MBNL2: variants seen among roughly 807,000 people sequenced by gnomAD.
MBNL2 encodes the protein muscleblind-like protein 2.
MBNL2 carries 17 observed loss-of-function variants against 41.9 expected under a neutral mutation model. That is an observed-to-expected ratio of 0.41 (90% confidence interval 0.28 to 0.61). The LOEUF is 0.61. Ranked by LOEUF, MBNL2 falls within the 20% of genes least tolerant of loss-of-function variation. The pLI, the probability that MBNL2 is intolerant of heterozygous loss-of-function variation, is 0.35. For synonymous variants in MBNL2, 195 were observed against 182.9 expected (o/e 1.07, Z -0.53); for missense variants, 336 against 505.6 (o/e 0.66, Z 3.22).
chr13:97,230,946 CAGAG>C (rs1249431973), intron 1 of MBNL2, among the ~76,000 whole-genome samples: 1 of 152,162 alleles, frequency 6.6e-6, no homozygotes. Flanking sequence ...CACTAATAAG[CAGAG>C]AGAGTATTTA....
the MBNL2 span, among the ~76,000 whole-genome samples, chr13:97,191,272 C>T: frequency 1.3e-5 from 2 of 151,270 alleles, no homozygotes; most frequent in South Asian, 2.1e-4. Context: ...CACAGAAGTG[C>T]GAACCCTTTG....
the MBNL2 span, among the ~76,000 whole-genome samples, chr13:97,163,207 C>T: frequency 2.0e-5 from 3 of 152,228 alleles, no homozygotes; most frequent in South Asian, 6.2e-4. Context: ...TGACTCCACT[C>T]TTCCTTTCTT....
At chr13:97,234,045 A>G (rs775711951) in intron 1 of MBNL2, among the ~76,000 whole-genome samples, 27 of 152,190 alleles carry the variant, frequency 1.8e-4, no homozygotes, top group Admixed American at 3.3e-4. Context: ...TATTAGCACA[A>G]TTCCTGTCTA....
intron 5 of MBNL2, among the ~76,000 whole-genome samples, chr13:97,348,783 C>A (rs1449334015): frequency 6.6e-6 from 1 of 152,164 alleles, no homozygotes; most frequent in Non-Finnish European, 1.5e-5. Context: ...GCAGCCATCA[C>A]CTCAGCCATC....
the MBNL2 span, among the ~76,000 whole-genome samples, chr13:97,210,978 A>G: frequency 2.6e-5 from 4 of 151,894 alleles, no homozygotes; most frequent in Admixed American, 6.6e-5. Context: ...GGGGTGGTGA[A>G]AGGGTAGCAG....
intron 1 of MBNL2, among the ~76,000 whole-genome samples, chr13:97,253,338 T>A (rs1174006851): frequency 6.6e-6 from 1 of 152,224 alleles, no homozygotes; most frequent in Non-Finnish European, 1.5e-5. Flanking sequence ...CCCTACAGAA[T>A]CTCATCCTAG....
intron 2 of MBNL2, among the ~76,000 whole-genome samples, chr13:97,315,414 G>C (rs1224477474): frequency 6.6e-6 from 1 of 152,176 alleles, no homozygotes; most frequent in Non-Finnish European, 1.5e-5. Flanking sequence ...CCAATGGCAG[G>C]AAAGAGCTTC....
chr13:97,318,241 G>T (rs79174928), intron 2 of MBNL2, among the ~76,000 whole-genome samples: 5,631 of 152,298 alleles, frequency 0.037, 324 homozygotes, highest in African/African-American at 0.12. Context: ...CACATTGTGA[G>T]AATTCGGCAA....
intron 1 of MBNL2, among the ~76,000 whole-genome samples, chr13:97,252,075 C>T (rs943309045): frequency 2.0e-4 from 30 of 151,606 alleles, no homozygotes; most frequent in Non-Finnish European, 3.7e-4. Context: ...TGGTCTCGAT[C>T]TCCTGACCTC....
intron 2 of MBNL2, among the ~76,000 whole-genome samples, chr13:97,296,100 A>T (rs2056965779): frequency 6.6e-6 from 1 of 152,150 alleles, no homozygotes; most frequent in African/African-American, 2.4e-5. Flanking sequence ...TAAACCATGG[A>T]ACTCTGTCAG....
intron 2 of MBNL2, among the ~76,000 whole-genome samples, chr13:97,307,179 T>C (rs1027692129): frequency 6.6e-6 from 1 of 152,092 alleles, no homozygotes; most frequent in Non-Finnish European, 1.5e-5. Context: ...TGTTGATTGA[T>C]TGGTTGATGA....
chr13:97,204,427 T>C, the MBNL2 span, among the ~76,000 whole-genome samples: 1 of 152,176 alleles, frequency 6.6e-6, no homozygotes, highest in South Asian at 2.1e-4. Context: ...ATAACACACA[T>C]TCAAAAGAAG....
At chr13:97,187,767 A>C in the MBNL2 span, among the ~76,000 whole-genome samples, 9 of 151,778 alleles carry the variant, frequency 5.9e-5, no homozygotes, top group Non-Finnish European at 1.2e-4. Flanking sequence ...ATTAGCCGGG[A>C]GAGGTGGCGG....
intron 1 of MBNL2, among the ~76,000 whole-genome samples, chr13:97,267,810 A>T (rs2050112442): frequency 6.6e-6 from 1 of 152,166 alleles, no homozygotes; most frequent in Non-Finnish European, 1.5e-5. Context: ...CCCGGCCAGC[A>T]CTCTTACAAT....
chr13:97,352,241 A>G (rs2062564994), intron 5 of MBNL2, among the ~76,000 whole-genome samples: 2 of 152,172 alleles, frequency 1.3e-5, no homozygotes, highest in Admixed American at 6.5e-5. Context: ...TGCAGTCACA[A>G]CATGGATAAC....
chr13:97,271,621 CCT>C (rs1438655608), intron 1 of MBNL2, among the ~76,000 whole-genome samples: 4 of 152,180 alleles, frequency 2.6e-5, no homozygotes, highest in Middle Eastern at 3.4e-3. Flanking sequence ...GTGATGTTCC[CCT>C]CTCTGTGTCC....
intron 2 of MBNL2, among the ~76,000 whole-genome samples, chr13:97,277,731 A>G (rs996502684): frequency 4.6e-5 from 7 of 152,222 alleles, no homozygotes; most frequent in Non-Finnish European, 1.0e-4. Context: ...CTACATCAAT[A>G]CCTACTCCTA....
the MBNL2 span, among the ~76,000 whole-genome samples, chr13:97,163,472 G>A: frequency 1.3e-5 from 2 of 152,142 alleles, no homozygotes; most frequent in African/African-American, 2.4e-5. Flanking sequence ...CTGGGAAGGG[G>A]ACTGATCTCC....
At chr13:97,147,030 T>G in the MBNL2 span, among the ~76,000 whole-genome samples, 1 of 152,148 alleles carries the variant, frequency 6.6e-6, no homozygotes, top group Non-Finnish European at 1.5e-5. Context: ...AAGAGAGTGT[T>G]AGATACAAGA....
Sources: allele counts gnomAD v4.1 joint callset (sites outside exome capture counted in the v4.1 genomes callset), GRCh38; gene constraint gnomAD v4.1.1; transcripts MANE v1.5; gene names NCBI Gene and HGNC (gene_info 2026-07-23, HGNC 2026-07-21).